ANKS1B: variants seen among roughly 807,000 people sequenced by gnomAD.
ANKS1B encodes the protein ankyrin repeat and sterile alpha motif domain containing 1B, also known as ankyrin repeat and sterile alpha motif domain-containing protein 1B.
In ANKS1B, 36 loss-of-function variants were observed where a neutral mutation model predicts 148.3. That is an observed-to-expected ratio of 0.24 (90% CI 0.19 to 0.32). ANKS1B has a LOEUF of 0.32. Ranked by LOEUF, ANKS1B falls within the 10% of genes least tolerant of loss-of-function variation. The pLI is 1.00. For missense variants in ANKS1B, 1,157 were observed against 1,542.6 expected (o/e 0.75, Z 4.19); for synonymous variants, 542 against 560.8 (o/e 0.97, Z 0.47).
intron 1 of ANKS1B, among the ~76,000 whole-genome samples, chr12:99,892,849 C>A (rs1427184847): frequency 2.0e-5 from 3 of 152,110 alleles, no homozygotes; most frequent in Non-Finnish European, 2.9e-5. Context: ...AAGTAAAAGT[C>A]TACAGATTGA....
At chr12:99,607,442 G>A (rs2097859082) in intron 9 of ANKS1B, among the ~76,000 whole-genome samples, 1 of 151,730 alleles carries the variant, frequency 6.6e-6, no homozygotes, top group African/African-American at 2.4e-5. Context: ...ATTCTACTCT[G>A]AGGTTGGATT....
intron 10 of ANKS1B, among the ~76,000 whole-genome samples, chr12:99,478,516 C>T (rs954511229): frequency 2.0e-5 from 3 of 152,064 alleles, no homozygotes; most frequent in Non-Finnish European, 2.9e-5. Flanking sequence ...AGGAATACCC[C>T]TACCACCTCC....
chr12:99,385,181 C>A (rs1291303180), intron 12 of ANKS1B, among the ~76,000 whole-genome samples: 1 of 150,092 alleles, frequency 6.7e-6, no homozygotes, highest in Admixed American at 6.6e-5. Context: ...TAAAGTGCAA[C>A]TAATAGGCTG....
chr12:99,602,171 T>C (rs61138240), intron 9 of ANKS1B, among the ~76,000 whole-genome samples: 2,156 of 152,124 alleles, frequency 0.014, 44 homozygotes, highest in African/African-American at 0.049. Context: ...TGCCATACTT[T>C]GTGGTACCAT....
intron 1 of ANKS1B, among the ~76,000 whole-genome samples, chr12:99,958,476 G>A (rs1017029998): frequency 3.3e-5 from 5 of 152,076 alleles, no homozygotes; most frequent in African/African-American, 1.2e-4. Flanking sequence ...TCAACCTCCT[G>A]GGCTCAAGTG....
intron 17 of ANKS1B, among the ~76,000 whole-genome samples, chr12:98,851,142 C>G (rs1342362976): frequency 6.6e-6 from 1 of 152,174 alleles, no homozygotes; most frequent in Non-Finnish European, 1.5e-5. Context: ...CCATTCATTC[C>G]TTCAGCAAAT....
chr12:98,918,474 C>T (rs1489094416), intron 17 of ANKS1B, among the ~76,000 whole-genome samples: 1 of 152,148 alleles, frequency 6.6e-6, no homozygotes, highest in Non-Finnish European at 1.5e-5. Context: ...CAACGTATGC[C>T]CCACAATTTA....
At chr12:99,468,644 C>A (rs1413452255) in intron 10 of ANKS1B, among the ~76,000 whole-genome samples, 21 of 152,182 alleles carry the variant, frequency 1.4e-4, no homozygotes, top group Non-Finnish European at 2.9e-4. Context: ...TGAACAGACA[C>A]TTCTCAAAAG....
At chr12:99,758,552 T>G (rs1323380776) in intron 8 of ANKS1B, among the ~76,000 whole-genome samples, 1 of 151,032 alleles carries the variant, frequency 6.6e-6, no homozygotes, top group African/African-American at 2.4e-5. Flanking sequence ...TAAAAAAATC[T>G]AAACATCAGG....
intron 12 of ANKS1B, among the ~76,000 whole-genome samples, chr12:99,360,755 C>G (rs1006079878): frequency 6.6e-6 from 1 of 152,136 alleles, no homozygotes; most frequent in Non-Finnish European, 1.5e-5. Flanking sequence ...TAGTCTGAGC[C>G]ACTTGCAAAC....
intron 4 of ANKS1B, among the ~76,000 whole-genome samples, chr12:99,801,967 G>A (rs1401769288): frequency 6.6e-6 from 1 of 152,112 alleles, no homozygotes; most frequent in East Asian, 1.9e-4. Context: ...TGATCAGAGA[G>A]GGATGATAGA....
At chr12:98,930,626 A>G (rs974577753) in intron 17 of ANKS1B, among the ~76,000 whole-genome samples, 4 of 152,140 alleles carry the variant, frequency 2.6e-5, no homozygotes, top group African/African-American at 7.2e-5. Flanking sequence ...TATACATACT[A>G]TAATCTGGTG....
chr12:98,748,973 C>T (rs1459592604), intron 26 of ANKS1B, among the ~76,000 whole-genome samples: 1 of 152,188 alleles, frequency 6.6e-6, no homozygotes, highest in Non-Finnish European at 1.5e-5. Flanking sequence ...CCTAATCAAT[C>T]TCAAAGATAT....
At chr12:99,676,207 G>C (rs533633995) in intron 8 of ANKS1B, among the ~76,000 whole-genome samples, 1 of 152,208 alleles carries the variant, frequency 6.6e-6, no homozygotes, top group East Asian at 1.9e-4. Flanking sequence ...GGCTTCCCCA[G>C]CCCTGTGGAA....
intron 17 of ANKS1B, among the ~76,000 whole-genome samples, chr12:98,844,771 G>C (rs1335245406): frequency 6.6e-6 from 1 of 152,086 alleles, no homozygotes; most frequent in Non-Finnish European, 1.5e-5. Flanking sequence ...TCTGCCCCTG[G>C]ATTCTGCTCT....
rs562146709 is a variant in ANKS1B, at chr12:99,058,839, G to A, written c.2626-5530C>T. Among the ~76,000 whole-genome samples the A allele has an allele frequency of 9.8e-5, 14 of 143,012 alleles. No individual in the cohort carries two copies. The South Asian group carries it at 3.0e-3, about 31-fold the overall frequency. 93.8% of individuals were successfully genotyped at this position (143,012 alleles called of 152,430 possible). A position where few individuals can be genotyped will look rare whatever the true frequency, so the allele number is the denominator to read the frequency against. On this transcript the variant is annotated intron_variant, in intron 16 of 26. Transcript: ENST00000683438. ...TGCAAGCTCCGCCTCCCAGGTTCAC[G>A]CCATTCTCCTGCCTCAGCCTCCCGA...
At chr12:98,961,937 A>G (rs1174166302) in intron 17 of ANKS1B, among the ~76,000 whole-genome samples, 1 of 152,118 alleles carries the variant, frequency 6.6e-6, no homozygotes, top group East Asian at 1.9e-4. Context: ...ATAAAAAGCA[A>G]GACATTAAAA....
chr12:99,399,335 C>T (rs934868805), intron 12 of ANKS1B, among the ~76,000 whole-genome samples: 1 of 152,094 alleles, frequency 6.6e-6, no homozygotes, highest in Non-Finnish European at 1.5e-5. Flanking sequence ...TTAGTTGATA[C>T]CGCTGTGTGG....
rs2095605562 is a variant in ANKS1B, at chr12:99,974,763, C to T, written c.134+9341G>A. Reference sequence around the variant, plus strand: ...ACAGACAGGGTTTCCCTATGTTGCCCAAGTTGGTCTTGAACTCCTGGATTC... The same window carrying T: ...ACAGACAGGGTTTCCCTATGTTGCCTAAGTTGGTCTTGAACTCCTGGATTC... On this transcript the variant is annotated intron_variant, in intron 1 of 26. Coordinates refer to ENST00000683438, the MANE Select transcript of ANKS1B (RefSeq NM_001352186.2). Among the ~76,000 whole-genome samples, 4 of 152,064 alleles carry T rather than the reference C, an allele frequency of 2.6e-5. No individual in the cohort carries two copies. In the South Asian group the frequency reaches 8.3e-4, roughly 32 times the overall value.
Sources: allele counts gnomAD v4.1 joint callset (sites outside exome capture counted in the v4.1 genomes callset), GRCh38; gene constraint gnomAD v4.1.1; transcripts MANE v1.5; gene names NCBI Gene and HGNC (gene_info 2026-07-23, HGNC 2026-07-21).